NXPE2: variants seen among roughly 807,000 people sequenced by gnomAD.
The protein encoded by NXPE2 is NXPE family member 2.
NXPE2 carries 34 observed loss-of-function variants against 34.4 expected under a neutral mutation model. The observed-to-expected ratio is 0.99, with a 90% CI of 0.75 to 1.31. The LOEUF (loss-of-function observed/expected upper bound fraction) is 1.31, where lower values mean the gene tolerates loss of function less well. Ranked by LOEUF, NXPE2 falls within the 40% of genes most tolerant of loss-of-function variation. NXPE2 has a pLI of 0.00. For synonymous variants in NXPE2, 235 were observed against 231.3 expected, an observed-to-expected ratio of 1.02 and a Z score of -0.15; for missense variants, 649 against 672.5, an observed-to-expected ratio of 0.97 and a Z score of 0.39.
chr11:114,764,550 G>C, the NXPE2 span, among the ~76,000 whole-genome samples: 6 of 152,140 alleles, frequency 3.9e-5, no homozygotes, highest in African/African-American at 1.2e-4. Context: ...GAGTCTATAG[G>C]TGGTCATTAC....
chr11:114,771,611 G>A, the NXPE2 span, among the ~76,000 whole-genome samples: 14 of 152,102 alleles, frequency 9.2e-5, no homozygotes, highest in South Asian at 4.1e-4. Flanking sequence ...CTCAGTCCTC[G>A]TGAGTGCTCA....
At chr11:114,474,781 A>G in the NXPE2 span, among the ~76,000 whole-genome samples, 1 of 152,212 alleles carries the variant, frequency 6.6e-6, no homozygotes, top group Non-Finnish European at 1.5e-5. Flanking sequence ...ACACCGTTTC[A>G]GGTACTTGTA....
chr11:114,786,576 A>C, the NXPE2 span, among the ~76,000 whole-genome samples: 1 of 152,328 alleles, frequency 6.6e-6, no homozygotes, highest in Admixed American at 6.5e-5. Context: ...TTAAACTCAA[A>C]GAATACTTTT....
the NXPE2 span, among the ~76,000 whole-genome samples, chr11:114,507,919 A>G: frequency 6.6e-6 from 1 of 152,142 alleles, no homozygotes; most frequent in Non-Finnish European, 1.5e-5. Flanking sequence ...AAATAAATAA[A>G]GGCATCCAAA....
At chr11:114,655,815 G>A in the NXPE2 span, among the ~76,000 whole-genome samples, 5 of 152,194 alleles carry the variant, frequency 3.3e-5, no homozygotes, top group South Asian at 2.1e-4. Flanking sequence ...TCATAAGAGC[G>A]ATTTATGACA....
chr11:114,586,913 G>A, the NXPE2 span, among the ~76,000 whole-genome samples: 1 of 152,114 alleles, frequency 6.6e-6, no homozygotes, highest in Non-Finnish European at 1.5e-5. Context: ...TAGCTCATGG[G>A]ATTGCCGTTT....
chr11:114,806,723 C>A, the NXPE2 span, among the ~76,000 whole-genome samples: 12 of 149,656 alleles, frequency 8.0e-5, no homozygotes, highest in Admixed American at 6.0e-4. Context: ...GATTGGTGTA[C>A]CTGAAAGTGA....
In NXPE2 at chr11:114,698,657, G is replaced by A. The variant is rs779661473; in HGVS notation, c.745G>A (p.Asp249Asn). ...ACTGTGCCAGTACATGGATGACAGA[G>A]ACCAAGAAGCCTTCTACTGTGTGAG... ...AELCQYMDDR[D>N]QEAFYCVRPQ... The change falls in exon 3 of 6, where the codon GAC becomes AAC. Residue 249 changes from aspartate (D) to asparagine (N), a missense_variant. Coordinates refer to ENST00000389586, the MANE Select transcript of NXPE2 (RefSeq NM_182495.6). 1 of 1,614,182 alleles carries A rather than the reference G, an allele frequency of 6.2e-7. No homozygotes were observed. The highest frequency in any genetic ancestry group is 1.1e-5 in the South Asian group (1 of 91,076).
the NXPE2 span, among the ~76,000 whole-genome samples, chr11:114,537,337 A>C: frequency 6.6e-6 from 1 of 152,342 alleles, no homozygotes; most frequent in Non-Finnish European, 1.5e-5. Flanking sequence ...CTGAATGGAC[A>C]AAAACTGGGA....
At chr11:114,501,522 TGTA>T in the NXPE2 span, among the ~76,000 whole-genome samples, 1 of 152,214 alleles carries the variant, frequency 6.6e-6, no homozygotes, top group East Asian at 1.9e-4. Context: ...TTATGGTTAT[TGTA>T]GTATATTTAA....
chr11:114,592,599 GACT>G, the NXPE2 span, among the ~76,000 whole-genome samples: 2 of 151,946 alleles, frequency 1.3e-5, no homozygotes, highest in South Asian at 4.1e-4. Flanking sequence ...AAAATGTTCA[GACT>G]ACTAAAAGCA....
the NXPE2 span, among the ~76,000 whole-genome samples, chr11:114,725,231 G>A: frequency 3.4e-4 from 52 of 152,100 alleles, 1 homozygote; most frequent in Non-Finnish European, 1.9e-4. Context: ...ACATTAGCAC[G>A]TATCAGTATC....
chr11:114,751,740 G>T, the NXPE2 span, among the ~76,000 whole-genome samples: 1 of 152,160 alleles, frequency 6.6e-6, no homozygotes, highest in East Asian at 1.9e-4. Flanking sequence ...TGGCAAAAGG[G>T]ACTTTGAATC....
At chr11:114,763,001 G>C in the NXPE2 span, among the ~76,000 whole-genome samples, 4 of 152,022 alleles carry the variant, frequency 2.6e-5, no homozygotes, top group East Asian at 5.8e-4. Flanking sequence ...TGGTTTTCCT[G>C]CTTCAAATTT....
At chr11:114,563,095 T>C in the NXPE2 span, among the ~76,000 whole-genome samples, 1 of 152,098 alleles carries the variant, frequency 6.6e-6, no homozygotes, top group East Asian at 1.9e-4. Flanking sequence ...ATCACATGAT[T>C]GAGAGTCTCA....
the NXPE2 span, among the ~76,000 whole-genome samples, chr11:114,720,296 A>T: frequency 6.6e-6 from 1 of 152,242 alleles, no homozygotes; most frequent in Admixed American, 6.5e-5. Context: ...GGGGCGACTC[A>T]GCTAGGGGAA....
chr11:114,668,550 G>A, the NXPE2 span, among the ~76,000 whole-genome samples: 1 of 152,036 alleles, frequency 6.6e-6, no homozygotes, highest in Non-Finnish European at 1.5e-5. Context: ...TCTAACTGGA[G>A]AAGAACTCAG....
the NXPE2 span, among the ~76,000 whole-genome samples, chr11:114,537,178 A>T: frequency 1.3e-5 from 2 of 152,318 alleles, no homozygotes; most frequent in African/African-American, 4.8e-5. Context: ...AAAGACAAAA[A>T]CCAGATGATT....
chr11:114,643,632 C>T, the NXPE2 span, among the ~76,000 whole-genome samples: 13 of 152,138 alleles, frequency 8.5e-5, no homozygotes, highest in East Asian at 3.9e-4. Context: ...GTTTTGGATA[C>T]CAGTTCCATG....
Sources: gnomAD v4.1 joint callset for allele counts (sites outside exome capture counted in the v4.1 genomes callset) on GRCh38, gnomAD v4.1.1 for gene constraint, MANE v1.5 for transcripts, NCBI Gene and HGNC (gene_info 2026-07-23, HGNC 2026-07-21) for gene names.